SCARB1: variants seen among roughly 807,000 people sequenced by gnomAD.
SCARB1 encodes the protein scavenger receptor class B member 1.
Under a neutral mutation model 57.2 loss-of-function variants are expected in SCARB1, and 30 were observed. The ratio of observed to expected loss-of-function variants is 0.52; its 90% confidence interval spans 0.39 to 0.71. SCARB1 has a LOEUF of 0.71. SCARB1 is among the 30% of genes least tolerant of loss of function. The probability of loss-of-function intolerance (pLI) is 0.00; values close to 1 mark genes in which losing one functional copy is unlikely to be tolerated. For synonymous variants in SCARB1, 249 were observed against 268.3 expected (o/e 0.93, Z 0.70); for missense variants, 543 against 671.2 (o/e 0.81, Z 2.11).
At chr12:124,802,442 T>C (rs1950167658) in intron 7 of SCARB1, among the ~76,000 whole-genome samples, 1 of 152,004 alleles carries the variant, frequency 6.6e-6, no homozygotes, top group Non-Finnish European at 1.5e-5. Context: ...GCAGGGACAG[T>C]GTCCTCCACA....
intron 1 of SCARB1, among the ~76,000 whole-genome samples, chr12:124,853,554 C>G (rs1952515650): frequency 1.3e-5 from 2 of 152,076 alleles, no homozygotes; most frequent in African/African-American, 2.4e-5. Context: ...GCCACCACGC[C>G]TGGCTAATTT....
In SCARB1 at chr12:124,814,965, A is replaced by G. The variant is rs1950648492; in HGVS notation, c.426+8T>C. Reference sequence around the variant, plus strand: ...TGCGAGGCGGCGTGGGCCACAGGGCAGCCTCACCAAGACCAGGATGTTGGG... The same window carrying G: ...TGCGAGGCGGCGTGGGCCACAGGGCGGCCTCACCAAGACCAGGATGTTGGG... On this transcript the variant is annotated splice_region_variant and intron_variant, in intron 3 of 12. Transcript: ENST00000261693. This position sits in a 1 kb window ranked among gnomAD's most constrained non-coding sequence, Gnocchi z 4.7. 1 of 1,614,160 alleles carries G rather than the reference A, an allele frequency of 6.2e-7. No individual in the cohort carries two copies. Among genetic ancestry groups the G allele is most frequent in the Non-Finnish European group, 8.5e-7 (1 of 1,180,024 alleles).
rs1953004076 is a variant in SCARB1, at chr12:124,863,767, G to C, written c.-47C>G. ...CCGCGGCTCGCAGGGCTCCGCGCCT[G>C]GCAGGAGACGGGGACGGCGACAGAG... On this transcript the variant is annotated 5_prime_UTR_variant, in exon 1 of 13. Transcript: ENST00000261693. 1.0e-5 allele frequency: 14 copies of C among 1,399,738 alleles called. No individual in the cohort carries two copies. Among genetic ancestry groups the C allele is most frequent in the Non-Finnish European group, 1.3e-5 (14 of 1,079,390 alleles). The allele number at this position is 1,399,738 out of a possible 1,614,324, so 86.7% of individuals were successfully genotyped here.
intron 1 of SCARB1, among the ~76,000 whole-genome samples, chr12:124,830,696 G>C (rs930523312): frequency 5.3e-5 from 8 of 151,798 alleles, no homozygotes; most frequent in African/African-American, 1.9e-4. Context: ...CTTGGTATAG[G>C]GGGTCATTAC....
At chr12:124,831,539 G>A (rs920472600) in intron 1 of SCARB1, among the ~76,000 whole-genome samples, 2 of 152,140 alleles carry the variant, frequency 1.3e-5, no homozygotes, top group Admixed American at 6.5e-5. Context: ...CCAGTGCCCC[G>A]TCAAATCTGA....
chr12:124,817,520 C>G lies in SCARB1; in HGVS notation c.284+30G>C. The G allele has an allele frequency of 6.2e-7, 1 of 1,611,584 alleles. No homozygotes were observed. Among genetic ancestry groups the G allele is most frequent in the Non-Finnish European group, 8.5e-7 (1 of 1,179,590 alleles). The stretch of plus-strand genomic sequence containing the variant: ...CCTCCCCTGCCCAGCCTCAGCCGGC[C>G]CCTCCACCCTCACCTGGACACAGCC... On this transcript the variant is annotated intron_variant, in intron 2 of 12. Coordinates refer to ENST00000261693, the MANE Select transcript of SCARB1 (RefSeq NM_005505.5). This position sits in a 1 kb window ranked among gnomAD's most constrained non-coding sequence, Gnocchi z 4.8.
chr12:124,814,492 C>T lies in SCARB1; in HGVS notation c.427-87G>A. ...CCCAGCTGGGCCTCACAGCAAAGAG[C>T]CCATGAAGGGAAATGCTGGGGTGCA... On this transcript the variant is annotated intron_variant, in intron 3 of 12. Coordinates refer to ENST00000261693, the MANE Select transcript of SCARB1 (RefSeq NM_005505.5). This position sits in a 1 kb window ranked among gnomAD's most constrained non-coding sequence, Gnocchi z 4.7. 1 of 1,407,850 alleles carries T rather than the reference C, an allele frequency of 7.1e-7. No homozygotes were observed. Among genetic ancestry groups the T allele is most frequent in the Non-Finnish European group, 1.0e-6 (1 of 1,000,358 alleles). 87.2% of individuals were successfully genotyped at this position (1,407,850 alleles called of 1,614,324 possible).
intron 1 of SCARB1, among the ~76,000 whole-genome samples, chr12:124,837,573 G>T (rs1481620249): frequency 1.5e-5 from 1 of 64,710 alleles, no homozygotes; most frequent in South Asian, 7.8e-4. Flanking sequence ...GAAAAGAAAA[G>T]AAAAGAAAAG....
At chr12:124,831,095 C>T (rs1019504571) in intron 1 of SCARB1, among the ~76,000 whole-genome samples, 2 of 151,992 alleles carry the variant, frequency 1.3e-5, no homozygotes, top group Non-Finnish European at 2.9e-5. Flanking sequence ...CCTGCCTCAG[C>T]CCCCCAAGTA....
intron 1 of SCARB1, 147 bp downstream of exon 1, chr12:124,863,448 C>T: frequency 2.7e-6 from 2 of 751,262 alleles, no homozygotes; most frequent in Non-Finnish European, 4.1e-6. Context: ...TCCCGAAGCG[C>T]CTGGCCTCCC....
At chr12:124,830,097 C>T (rs184806324) in intron 1 of SCARB1, among the ~76,000 whole-genome samples, 55 of 152,270 alleles carry the variant, frequency 3.6e-4, no homozygotes, top group African/African-American at 1.3e-3. Context: ...AGCCACCCAC[C>T]AGCCCTGGGT....
intron 1 of SCARB1, among the ~76,000 whole-genome samples, chr12:124,845,562 G>A (rs1253856923): frequency 1.8e-4 from 26 of 145,510 alleles, no homozygotes; most frequent in South Asian, 1.3e-3. Flanking sequence ...AAAATTAGCC[G>A]GGCGTGGTGG....
At chr12:124,827,732 C>G (rs1453245059) in intron 1 of SCARB1, among the ~76,000 whole-genome samples, 1 of 152,180 alleles carries the variant, frequency 6.6e-6, no homozygotes, top group African/African-American at 2.4e-5. Context: ...ATCCCTCACC[C>G]CTTCGAATCT....
Position 124,863,818 on chromosome 12 carries a change from C to G in SCARB1, c.-98G>C. Reference sequence around the variant, plus strand: ...ACGACACAGGCGGGGACTCCGGGCACGCAGGCCGCAGAGGCACGGTGGATC... The same window carrying G: ...ACGACACAGGCGGGGACTCCGGGCAGGCAGGCCGCAGAGGCACGGTGGATC... On this transcript the variant is annotated 5_prime_UTR_variant, in exon 1 of 13. Transcript: ENST00000261693. The G allele has an allele frequency of 6.0e-6, 8 of 1,333,936 alleles. 1 individual carries two copies. In the South Asian group the frequency reaches 1.4e-4, roughly 24 times the overall value. 82.6% of individuals were successfully genotyped at this position (1,333,936 alleles called of 1,614,324 possible).
chr12:124,826,064 G>T (rs1240633690), intron 1 of SCARB1, among the ~76,000 whole-genome samples: 4 of 152,002 alleles, frequency 2.6e-5, no homozygotes, highest in Admixed American at 6.6e-5. Flanking sequence ...AGGTGGCCGG[G>T]ACTCATGCCT....
At position 124,807,659 on chromosome 12, in the gene SCARB1, T is replaced by G; in HGVS notation, c.1009+102A>C. On this transcript the variant is annotated intron_variant, in intron 7 of 12. Coordinates refer to ENST00000261693, the MANE Select transcript of SCARB1 (RefSeq NM_005505.5). The surrounding 1 kb of genome is among the most constrained non-coding windows in gnomAD (Gnocchi z 5.3). ...CTTCGCCTAATGGGATTATCAAGAG[T>G]ACAGAGGCCAGAGATTAAGCAGACA... The G allele has an allele frequency of 8.7e-7, 1 of 1,149,318 alleles. No homozygotes were observed. The allele number at this position is 1,149,318 out of a possible 1,614,324, so 71.2% of individuals were successfully genotyped here. A position where few individuals can be genotyped will look rare whatever the true frequency, so the allele number is the denominator to read the frequency against.
At chr12:124,821,889 T>G (rs756736820) in intron 1 of SCARB1, among the ~76,000 whole-genome samples, 1 of 152,194 alleles carries the variant, frequency 6.6e-6, no homozygotes, top group Non-Finnish European at 1.5e-5. Flanking sequence ...GCTGATTAGA[T>G]AACAGTGGTG....
intron 6 of SCARB1, among the ~76,000 whole-genome samples, chr12:124,808,741 G>C (rs1286080537): frequency 1.3e-5 from 2 of 152,148 alleles, no homozygotes; most frequent in African/African-American, 4.8e-5. Flanking sequence ...CACTCAGCAC[G>C]CATGGCTGTC....
intron 10 of SCARB1, among the ~76,000 whole-genome samples, chr12:124,786,889 G>A (rs373277211): frequency 5.3e-5 from 8 of 152,226 alleles, no homozygotes; most frequent in Non-Finnish European, 1.2e-4. Flanking sequence ...CTTCAGATTC[G>A]GCTGTGAGTA....
Sources: gnomAD v4.1 joint callset for allele counts (sites outside exome capture counted in the v4.1 genomes callset) on GRCh38, gnomAD v4.1.1 for gene constraint, Gnocchi (gnomAD v3.1) non-coding constraint, MANE v1.5 for transcripts, NCBI Gene and HGNC (gene_info 2026-07-23, HGNC 2026-07-21) for gene names.